Variants in SHISA9 observed in about 807,000 individuals in gnomAD.
SHISA9 encodes shisa family member 9.
In SHISA9, 13 loss-of-function variants were observed where a neutral mutation model predicts 38.0. The observed-to-expected ratio is 0.34, with a 90% CI of 0.22 to 0.54. SHISA9 has a LOEUF of 0.54. Among genes scored for constraint, SHISA9 ranks in the 20% least tolerant of loss-of-function variants. The probability of loss-of-function intolerance (pLI) is 0.91; values close to 1 mark genes in which losing one functional copy is unlikely to be tolerated. For synonymous variants in SHISA9, 275 were observed against 242.0 expected, an observed-to-expected ratio of 1.14 and a Z score of -1.27; for missense variants, 538 against 575.8, an observed-to-expected ratio of 0.93 and a Z score of 0.67.
the SHISA9 span, among the ~76,000 whole-genome samples, chr16:13,553,159 G>A: frequency 4.6e-5 from 7 of 152,146 alleles, no homozygotes; most frequent in African/African-American, 1.4e-4. Flanking sequence ...CACCTGCTAT[G>A]TGCCAAGCAT....
chr16:13,309,859 TATTTA>T, the SHISA9 span, among the ~76,000 whole-genome samples: 2 of 151,816 alleles, frequency 1.3e-5, no homozygotes, highest in Non-Finnish European at 2.9e-5. Flanking sequence ...TTCTGTATTT[TATTTA>T]TTTATTTACT....
chr16:13,079,731 T>G (rs1378906951), intron 2 of SHISA9, among the ~76,000 whole-genome samples: 2 of 152,242 alleles, frequency 1.3e-5, no homozygotes, highest in Non-Finnish European at 2.9e-5. Flanking sequence ...AATTTCAGAT[T>G]ACTCGGGTTC....
downstream of SHISA9, among the ~76,000 whole-genome samples, chr16:13,244,884 G>T (rs2051460852): frequency 6.6e-6 from 1 of 152,150 alleles, no homozygotes; most frequent in African/African-American, 2.4e-5. Context: ...GTCCCAGGTC[G>T]GTGCTAATAC....
chr16:13,046,293 G>A (rs1269103274), intron 2 of SHISA9, among the ~76,000 whole-genome samples: 1 of 152,222 alleles, frequency 6.6e-6, no homozygotes, highest in Non-Finnish European at 1.5e-5. Context: ...TCCTATATGA[G>A]CTGACAAGGG....
chr16:13,555,579 A>G, the SHISA9 span, among the ~76,000 whole-genome samples: 1 of 152,226 alleles, frequency 6.6e-6, no homozygotes, highest in African/African-American at 2.4e-5. Context: ...CGTGTCAGAC[A>G]AACCCAGAGG....
At position 13,090,243 on chromosome 16, in the gene SHISA9, A is replaced by C. The variant is rs530049802; in HGVS notation, c.692-113151A>C. On this transcript the variant is annotated intron_variant, in intron 2 of 4. Coordinates refer to ENST00000558583, the MANE Select transcript of SHISA9 (RefSeq NM_001145204.3). ...CCAATTATGTGGTCAATTTTAGAAT[A>C]AGTGCAATGTGATGCTGAGAAGAAG... Among the ~76,000 whole-genome samples, 3 of 152,318 alleles carry C rather than the reference A, an allele frequency of 2.0e-5. No homozygotes were observed. The South Asian group carries it at 6.2e-4, about 32-fold the overall frequency.
intron 2 of SHISA9, among the ~76,000 whole-genome samples, chr16:13,096,750 C>T (rs1255127825): frequency 6.6e-6 from 1 of 152,070 alleles, no homozygotes; most frequent in East Asian, 1.9e-4. Flanking sequence ...TCAGTTCCAC[C>T]TTCTTGGACT....
At chr16:13,416,843 GAA>G in the SHISA9 span, among the ~76,000 whole-genome samples, 1 of 150,870 alleles carries the variant, frequency 6.6e-6, no homozygotes, top group African/African-American at 2.4e-5. Flanking sequence ...GAGAAAGAAA[GAA>G]AGAGAGGGAA....
At chr16:12,942,191 T>G (rs915037614) in intron 2 of SHISA9, among the ~76,000 whole-genome samples, 2 of 152,220 alleles carry the variant, frequency 1.3e-5, no homozygotes, top group Non-Finnish European at 2.9e-5. Flanking sequence ...TGTGCAACCC[T>G]TCTCAGGGAT....
the SHISA9 span, chr16:13,458,836 GGTTTTTTTGTTTTGTTTTGTTTT>G: frequency 1.7e-5 from 3 of 179,710 alleles, no homozygotes; most frequent in Admixed American, 6.5e-5. Flanking sequence ...TAAATTCTCG[GGTTTTTTTGTTTTGTTTTGTTTT>G]GTTTTTTGTT....
chr16:13,224,052 C>T (rs1217996203), intron 4 of SHISA9, among the ~76,000 whole-genome samples: 1 of 152,200 alleles, frequency 6.6e-6, no homozygotes, highest in African/African-American at 2.4e-5. Context: ...CCAATGGTAA[C>T]ACCTACCTCA....
chr16:13,384,899 G>A, the SHISA9 span, among the ~76,000 whole-genome samples: 1 of 152,090 alleles, frequency 6.6e-6, no homozygotes, highest in African/African-American at 2.4e-5. Flanking sequence ...CTCCAAACTG[G>A]GAGAAAATAT....
intron 2 of SHISA9, among the ~76,000 whole-genome samples, chr16:12,975,650 C>CGGGGGGGG (rs796430576): frequency 1.2e-4 from 1 of 8,174 alleles, no homozygotes; most frequent in African/African-American, 3.4e-4. Flanking sequence ...TGGGGTGGGA[C>CGGGGGGGG]GGGGGCGGGG....
intron 4 of SHISA9, among the ~76,000 whole-genome samples, chr16:13,214,815 G>A (rs1243395387): frequency 6.6e-6 from 1 of 152,142 alleles, no homozygotes; most frequent in African/African-American, 2.4e-5. Context: ...CACAAGAACA[G>A]CACAGGAAAG....
the SHISA9 span, among the ~76,000 whole-genome samples, chr16:13,510,961 C>G: frequency 6.6e-6 from 1 of 152,276 alleles, no homozygotes; most frequent in South Asian, 2.1e-4. Flanking sequence ...TGACAAATGT[C>G]TCTTCCTGCT....
the SHISA9 span, among the ~76,000 whole-genome samples, chr16:13,348,752 A>G: frequency 2.2e-4 from 33 of 152,144 alleles, no homozygotes; most frequent in African/African-American, 7.7e-4. Context: ...CTGTAGGACA[A>G]TCATGGAGGT....
the SHISA9 span, among the ~76,000 whole-genome samples, chr16:13,303,780 G>C: frequency 1.3e-5 from 2 of 152,064 alleles, no homozygotes; most frequent in South Asian, 4.1e-4. Flanking sequence ...AAAGGAATGG[G>C]AATAATTACT....
intron 2 of SHISA9, among the ~76,000 whole-genome samples, chr16:13,097,854 A>C (rs1223638767): frequency 1.3e-5 from 2 of 152,330 alleles, no homozygotes; most frequent in Admixed American, 6.5e-5. Context: ...ATCCTACTTC[A>C]CCAGGTTGTC....
chr16:13,211,508 C>A (rs1385337438), intron 3 of SHISA9, among the ~76,000 whole-genome samples: 1 of 152,064 alleles, frequency 6.6e-6, no homozygotes, highest in African/African-American at 2.4e-5. Flanking sequence ...GAAATATTTT[C>A]GTCACACTGA....
Sources: gnomAD v4.1 joint callset for allele counts (sites outside exome capture counted in the v4.1 genomes callset) on GRCh38, gnomAD v4.1.1 for gene constraint, MANE v1.5 for transcripts, NCBI Gene and HGNC (gene_info 2026-07-23, HGNC 2026-07-21) for gene names.